GALNT11: variants seen among roughly 807,000 people sequenced by gnomAD.
The protein encoded by GALNT11 is polypeptide N-acetylgalactosaminyltransferase 11.
GALNT11 carries 47 observed loss-of-function variants against 72.7 expected under a neutral mutation model. That is an observed-to-expected ratio of 0.65 (90% confidence interval 0.51 to 0.82). GALNT11 has a LOEUF of 0.82. GALNT11 is among the 40% of genes least tolerant of loss of function. The pLI, the probability that GALNT11 is intolerant of heterozygous loss-of-function variation, is 0.00. For missense variants in GALNT11, 677 were observed against 778.4 expected, an observed-to-expected ratio of 0.87 and a Z score of 1.55; for synonymous variants, 270 against 286.6, an observed-to-expected ratio of 0.94 and a Z score of 0.58.
chr7:152,090,653 C>T (rs556178145), intron 1 of GALNT11, among the ~76,000 whole-genome samples: 4 of 145,244 alleles, frequency 2.8e-5, no homozygotes, highest in Admixed American at 6.8e-5. Context: ...CCCACCCCCC[C>T]ACCCCACCCC....
At chr7:152,070,474 T>A (rs2084571672) in intron 1 of GALNT11, among the ~76,000 whole-genome samples, 2 of 147,866 alleles carry the variant, frequency 1.4e-5, no homozygotes, top group African/African-American at 4.9e-5. Flanking sequence ...TTTTTTGAGG[T>A]TCTGGGAGAG....
intron 1 of GALNT11, among the ~76,000 whole-genome samples, chr7:152,042,573 A>G (rs1406412101): frequency 1.3e-5 from 2 of 152,212 alleles, no homozygotes; most frequent in African/African-American, 4.8e-5. Context: ...CAAAAATGAT[A>G]TCCTAAACCT....
At chr7:152,031,512 G>A (rs758558280) in intron 1 of GALNT11, among the ~76,000 whole-genome samples, 1 of 152,200 alleles carries the variant, frequency 6.6e-6, no homozygotes, top group African/African-American at 2.4e-5. Flanking sequence ...TACATCATGA[G>A]TAGTCCAGAC....
At chr7:152,055,818 A>G (rs1384977511) in intron 1 of GALNT11, among the ~76,000 whole-genome samples, 1 of 152,074 alleles carries the variant, frequency 6.6e-6, no homozygotes, top group East Asian at 1.9e-4. Context: ...TTAAAATAAA[A>G]CATTTTGTTT....
At chr7:152,058,698 A>G (rs1478855592) in intron 1 of GALNT11, among the ~76,000 whole-genome samples, 1 of 152,094 alleles carries the variant, frequency 6.6e-6, no homozygotes, top group East Asian at 1.9e-4. Flanking sequence ...TTCATGAAAG[A>G]TTTTTCTGTA....
chr7:152,099,100 C>A (rs926351480), intron 2 of GALNT11, among the ~76,000 whole-genome samples: 4 of 152,038 alleles, frequency 2.6e-5, no homozygotes, highest in African/African-American at 7.2e-5. Context: ...TGCCACCATG[C>A]CTGGCTTATT....
chr7:152,047,199 G>C (rs7798374), intron 1 of GALNT11, among the ~76,000 whole-genome samples: 6,309 of 151,984 alleles, frequency 0.042, 431 homozygotes, highest in African/African-American at 0.14. Flanking sequence ...GGCTGGGCAC[G>C]GTGGTTCACA....
In GALNT11 at chr7:152,094,829, A is replaced by T. The variant is rs1044945958; in HGVS notation, c.295+307A>T. ...TGTTTTTTGTTTGTTTTTTTAAGAG[A>T]TGGGGTCTCACCATATTGCCCAGGC... is the stretch of plus-strand genomic sequence containing the variant. On this transcript the variant is annotated intron_variant, in intron 2 of 11. Coordinates refer to ENST00000430044, the MANE Select transcript of GALNT11 (RefSeq NM_022087.4). This position sits in a 1 kb window ranked among gnomAD's most constrained non-coding sequence, Gnocchi z 4.3. 3.9e-5 allele frequency among the ~76,000 whole-genome samples: 6 copies of T among 152,290 alleles called. No homozygotes were observed. The highest frequency in any genetic ancestry group is 3.9e-4 in the Admixed American group (6 of 15,286).
At chr7:152,103,917 G>C (rs963487552) in intron 4 of GALNT11, 1 of 152,808 alleles carries the variant, frequency 6.5e-6, no homozygotes, top group Non-Finnish European at 1.5e-5. Flanking sequence ...CTTGGCTTAT[G>C]CTTCTCTATT....
At chr7:152,096,065 A>G (rs2086350512) in intron 2 of GALNT11, among the ~76,000 whole-genome samples, 1 of 152,232 alleles carries the variant, frequency 6.6e-6, no homozygotes, top group African/African-American at 2.4e-5. Context: ...AATTTAGCCA[A>G]GGAGCTGCAA....
At chr7:152,032,406 T>C (rs901886093) in intron 1 of GALNT11, among the ~76,000 whole-genome samples, 1 of 152,120 alleles carries the variant, frequency 6.6e-6, no homozygotes. Context: ...TCCTCTGGTA[T>C]TTGAGAGAGC....
intron 7 of GALNT11, among the ~76,000 whole-genome samples, chr7:152,111,727 G>T (rs1162345422): frequency 6.6e-6 from 1 of 151,888 alleles, no homozygotes. Flanking sequence ...TTAAAGGTTT[G>T]TTCTTTTTTT....
chr7:152,071,320 C>T (rs896089311), intron 1 of GALNT11, among the ~76,000 whole-genome samples: 16 of 152,070 alleles, frequency 1.1e-4, no homozygotes, highest in Admixed American at 2.6e-4. Flanking sequence ...CCTCCAGGCA[C>T]GTATTCTCTT....
At chr7:152,099,240 C>G (rs1243090363) in intron 2 of GALNT11, among the ~76,000 whole-genome samples, 2 of 152,100 alleles carry the variant, frequency 1.3e-5, no homozygotes, top group African/African-American at 4.8e-5. Flanking sequence ...CCACGCCCGG[C>G]TGGAAACACT....
intron 1 of GALNT11, among the ~76,000 whole-genome samples, chr7:152,045,584 A>G (rs2083079756): frequency 6.6e-6 from 1 of 152,138 alleles, no homozygotes; most frequent in Non-Finnish European, 1.5e-5. Context: ...AGTTGCTCAT[A>G]GTAGCCTCTC....
At chr7:152,077,339 C>T (rs1025616984) in intron 1 of GALNT11, among the ~76,000 whole-genome samples, 1 of 152,182 alleles carries the variant, frequency 6.6e-6, no homozygotes, top group Admixed American at 6.5e-5. Context: ...AGACGTGAGC[C>T]TCTGACCCAG....
chr7:152,079,301 A>G (rs2085176932), intron 1 of GALNT11: 1 of 152,208 alleles, frequency 6.6e-6, no homozygotes, highest in African/African-American at 2.4e-5. Flanking sequence ...ATAGTGAGCG[A>G]GAGCTGCTAC....
At chr7:152,073,133 T>G (rs1027603270) in intron 1 of GALNT11, among the ~76,000 whole-genome samples, 1 of 152,210 alleles carries the variant, frequency 6.6e-6, no homozygotes, top group East Asian at 1.9e-4. Context: ...TCTCATACAT[T>G]TATCATTTCT....
chr7:152,051,199 G>GTTTTTT (rs35668155), intron 1 of GALNT11, among the ~76,000 whole-genome samples: 8 of 46,826 alleles, frequency 1.7e-4, no homozygotes, highest in Non-Finnish European at 3.4e-4. Context: ...ATATCTGGTT[G>GTTTTTT]TTTTTTTTTT....
Sources: gnomAD v4.1 joint callset for allele counts (sites outside exome capture counted in the v4.1 genomes callset) on GRCh38, gnomAD v4.1.1 for gene constraint, Gnocchi (gnomAD v3.1) non-coding constraint, MANE v1.5 for transcripts, NCBI Gene and HGNC (gene_info 2026-07-23, HGNC 2026-07-21) for gene names.